SLC1A2: variants seen among roughly 807,000 people sequenced by gnomAD.
The protein encoded by SLC1A2 is solute carrier family 1 member 2.
Under a neutral mutation model 48.8 loss-of-function variants are expected in SLC1A2, and 15 were observed. The ratio of observed to expected loss-of-function variants is 0.31; its 90% CI spans 0.21 to 0.47. The LOEUF is 0.47. Among genes scored for constraint, SLC1A2 ranks in the 20% least tolerant of loss-of-function variants. The probability of loss-of-function intolerance (pLI) is 0.99; values close to 1 mark genes in which losing one functional copy is unlikely to be tolerated. For synonymous variants in SLC1A2, 279 were observed against 272.6 expected (o/e 1.02, Z -0.23); for missense variants, 502 against 730.5 (o/e 0.69, Z 3.61).
intron 6 of SLC1A2, chr11:35,298,840 T>C (rs564775616): frequency 1.3e-5 from 2 of 152,332 alleles, no homozygotes; most frequent in African/African-American, 2.4e-5. Context: ...GGAAATCACA[T>C]TGGTATGGAC....
In SLC1A2 at chr11:35,294,492, C is replaced by G. The variant is rs1851110055; in HGVS notation, c.858-1972G>C. Among the ~76,000 whole-genome samples the G allele has an allele frequency of 2.6e-5, 4 of 152,106 alleles. No individual in the cohort carries two copies. In the South Asian group the frequency reaches 8.3e-4, roughly 32 times the overall value. ...AAATTATCAAGGTAGTCTCAGGGACCAGCACTTCATTCATTGAGACTGTAA... is the reference window on the plus strand; with the variant it reads ...AAATTATCAAGGTAGTCTCAGGGACGAGCACTTCATTCATTGAGACTGTAA... On this transcript the variant is annotated intron_variant, in intron 6 of 10. Coordinates refer to ENST00000278379, the MANE Select transcript of SLC1A2 (RefSeq NM_004171.4).
intron 1 of SLC1A2, among the ~76,000 whole-genome samples, chr11:35,413,152 T>G (rs140259305): frequency 6.6e-6 from 1 of 152,206 alleles, no homozygotes; most frequent in Non-Finnish European, 1.5e-5. Flanking sequence ...GCAGGTAACA[T>G]GAGAAAAGTA....
intron 1 of SLC1A2, among the ~76,000 whole-genome samples, chr11:35,376,921 ACTTG>A (rs1251256461): frequency 3.9e-5 from 6 of 152,210 alleles, no homozygotes; most frequent in African/African-American, 1.4e-4. Context: ...AGCCTGGATC[ACTTG>A]GAGGTTGAAG....
chr11:35,414,180 G>A lies in SLC1A2; in HGVS notation c.17+4770C>T, dbSNP rs943861566. 1.1e-4 allele frequency among the ~76,000 whole-genome samples: 16 copies of A among 152,276 alleles called. No individual in the cohort carries two copies. The Middle Eastern group carries it at 0.01, about 97-fold the overall frequency. On this transcript the variant is annotated intron_variant, in intron 1 of 10. Coordinates refer to ENST00000278379, the MANE Select transcript of SLC1A2 (RefSeq NM_004171.4). ...TGGTCATATCTGTTTATCTAAGTGAGACATTAAATACATGAATGAAAAATA... is the reference window on the plus strand; with the variant it reads ...TGGTCATATCTGTTTATCTAAGTGAAACATTAAATACATGAATGAAAAATA...
intron 6 of SLC1A2, among the ~76,000 whole-genome samples, chr11:35,297,040 A>G (rs894044866): frequency 1.3e-5 from 2 of 152,174 alleles, no homozygotes; most frequent in African/African-American, 4.8e-5. Context: ...GAATGAAAAA[A>G]AAAATGGATG....
rs187291889 is a variant in SLC1A2 at position 35,369,167 on chromosome 11, T to C, written c.17+49783A>G. ...TCAAGTCCTGCTCTGGAGTGGATAA[T>C]ATGTGGGCAGCAAAAATAACACATC... On this transcript the variant is annotated intron_variant, in intron 1 of 10. Transcript: ENST00000278379. 3.8e-3 allele frequency among the ~76,000 whole-genome samples: 586 copies of C among 152,292 alleles called. 3 individuals are homozygous for C. Among genetic ancestry groups the C allele is most frequent in the Non-Finnish European group, 6.4e-3 (432 of 68,020 alleles).
intron 1 of SLC1A2, among the ~76,000 whole-genome samples, chr11:35,416,104 T>C (rs1855597317): frequency 6.6e-6 from 1 of 152,216 alleles, no homozygotes; most frequent in Non-Finnish European, 1.5e-5. Flanking sequence ...CACTATTGAT[T>C]TTTATAGAAA....
chr11:35,314,612 C>G (rs1487398446), intron 3 of SLC1A2, among the ~76,000 whole-genome samples: 2 of 151,694 alleles, frequency 1.3e-5, no homozygotes, highest in Non-Finnish European at 2.9e-5. Context: ...ACTCAGGAGG[C>G]TGAGGCAGGA....
chr11:35,345,649 G>A (rs116031576), intron 1 of SLC1A2, among the ~76,000 whole-genome samples: 2,288 of 151,980 alleles, frequency 0.015, 58 homozygotes, highest in African/African-American at 0.051. Flanking sequence ...AGCACCTGGG[G>A]CAGAGGTTAC....
At chr11:35,273,996 G>A (rs976916103) in intron 9 of SLC1A2, among the ~76,000 whole-genome samples, 1 of 152,182 alleles carries the variant, frequency 6.6e-6, no homozygotes, top group African/African-American at 2.4e-5. Flanking sequence ...CCAGAGAGCT[G>A]GGGAAATATT....
intron 1 of SLC1A2, among the ~76,000 whole-genome samples, chr11:35,348,892 CAAAAA>C (rs397752034): frequency 1.3e-5 from 1 of 78,466 alleles, no homozygotes; most frequent in East Asian, 3.5e-4. Flanking sequence ...GACCTGGTCT[CAAAAA>C]AAAAAAAAAA....
intron 1 of SLC1A2, among the ~76,000 whole-genome samples, chr11:35,364,607 C>T (rs1190896703): frequency 6.6e-6 from 1 of 152,226 alleles, no homozygotes; most frequent in Non-Finnish European, 1.5e-5. Context: ...GAATACCACT[C>T]ACTAACTACA....
intron 6 of SLC1A2, among the ~76,000 whole-genome samples, chr11:35,294,327 C>G (rs528097297): frequency 2.0e-5 from 3 of 152,118 alleles, no homozygotes; most frequent in Admixed American, 1.3e-4. Context: ...TTTTCCTTTC[C>G]GTGGGGTGCA....
At chr11:35,275,008 G>A (rs1323668366) in intron 9 of SLC1A2, among the ~76,000 whole-genome samples, 1 of 152,210 alleles carries the variant, frequency 6.6e-6, no homozygotes, top group Non-Finnish European at 1.5e-5. Flanking sequence ...GCTTCTGGAA[G>A]GGAGAGTCCC....
rs1950299401 is a variant in SLC1A2, at chr11:35,255,318, C to T, written c.*5576G>A. The T allele has an allele frequency of 6.5e-6, 1 of 153,132 alleles. No homozygotes were observed. 9.5% of individuals were successfully genotyped at this position (153,132 alleles called of 1,614,324 possible). On this transcript the variant is annotated 3_prime_UTR_variant, in exon 11 of 11. Coordinates refer to ENST00000278379, the MANE Select transcript of SLC1A2 (RefSeq NM_004171.4). Reference sequence around the variant, plus strand: ...GACCATGCATTGTATCCCATCCACCCTACAAACTAATCAGGCCTTGAAGAG... The same window carrying T: ...GACCATGCATTGTATCCCATCCACCTTACAAACTAATCAGGCCTTGAAGAG...
intron 1 of SLC1A2, among the ~76,000 whole-genome samples, chr11:35,346,496 G>C (rs532056020): frequency 6.6e-6 from 1 of 152,362 alleles, no homozygotes; most frequent in East Asian, 1.9e-4. Context: ...GGGATACAGT[G>C]ACTGGGACTC....
intron 1 of SLC1A2, chr11:35,392,292 C>G (rs1488887310): frequency 6.6e-6 from 1 of 152,226 alleles, no homozygotes; most frequent in Non-Finnish European, 1.5e-5. Flanking sequence ...TGAGCTTTCG[C>G]TGATTTCTAC....
intron 1 of SLC1A2, among the ~76,000 whole-genome samples, chr11:35,408,345 C>G (rs992420172): frequency 6.6e-6 from 1 of 152,176 alleles, no homozygotes; most frequent in Non-Finnish European, 1.5e-5. Context: ...AATTGTATCT[C>G]CCAGAATTCC....
chr11:35,282,945 T>C (rs1417484541), intron 8 of SLC1A2, among the ~76,000 whole-genome samples: 3 of 152,048 alleles, frequency 2.0e-5, no homozygotes, highest in Non-Finnish European at 1.5e-5. Flanking sequence ...GCATCCCTCA[T>C]TGCCTTCTGC....
Sources: gnomAD v4.1 joint callset for allele counts (sites outside exome capture counted in the v4.1 genomes callset) on GRCh38, gnomAD v4.1.1 for gene constraint, MANE v1.5 for transcripts, NCBI Gene and HGNC (gene_info 2026-07-23, HGNC 2026-07-21) for gene names.